The following SHKBP1 variants were observed in gnomAD, a reference collection of about 807,000 sequenced individuals.
The protein encoded by SHKBP1 is SH3KBP1 binding protein 1.
A neutral mutation model predicts 83.9 loss-of-function variants in SHKBP1; 71 were observed. The observed-to-expected ratio is 0.85, with a 90% CI of 0.70 to 1.03. The LOEUF is 1.03. Ranked by LOEUF, SHKBP1 falls within the 50% of genes least tolerant of loss-of-function variation. The pLI, the probability that SHKBP1 is intolerant of heterozygous loss-of-function variation, is 0.00. For missense variants in SHKBP1, 824 were observed against 982.4 expected (o/e 0.84, Z 2.16); for synonymous variants, 371 against 398.0 (o/e 0.93, Z 0.81).
Position 40,590,111 on chromosome 19 carries a change from C to T in SHKBP1, c.1590-133C>T, listed in dbSNP as rs2081345204. On this transcript the variant is annotated intron_variant, in intron 15 of 17. Coordinates refer to ENST00000291842, the MANE Select transcript of SHKBP1 (RefSeq NM_138392.4). This position sits in a 1 kb window ranked among gnomAD's most constrained non-coding sequence, Gnocchi z 4.6. ...CTGCTGGACCCTTGGGACTGGAACT[C>T]AAAAGCAGGCTAGGGATGGATAAAG... 9.3e-7 allele frequency: 1 copy of T among 1,076,684 alleles called. No homozygotes were observed. Among genetic ancestry groups the T allele is most frequent in the Non-Finnish European group, 1.3e-6 (1 of 774,368 alleles). 66.7% of individuals were successfully genotyped at this position (1,076,684 alleles called of 1,614,324 possible). A position where few individuals can be genotyped will look rare whatever the true frequency, so the allele number is the denominator to read the frequency against.
At chr19:40,588,840 TC>T (rs2081332957) in intron 14 of SHKBP1, 61 bp downstream of exon 14, 1 of 1,581,804 alleles carries the variant, frequency 6.3e-7, no homozygotes, top group African/African-American at 1.3e-5. Flanking sequence ...CCTGTTGACC[TC>T]CGCTGATTCC....
At position 40,589,198 on chromosome 19, in the gene SHKBP1, A is replaced by G. The variant is rs1431235165; in HGVS notation, c.1589+20A>G. On this transcript the variant is annotated intron_variant, in intron 15 of 17. Coordinates refer to ENST00000291842, the MANE Select transcript of SHKBP1 (RefSeq NM_138392.4). ...GCAGCGGTGAGGACAGTCCTGTCCA[A>G]CAGGGAGGGAGGACAGTCCTGTCCA... 2 of 565,312 alleles carry G rather than the reference A, an allele frequency of 3.5e-6. No individual in the cohort carries two copies. The highest frequency in any genetic ancestry group is 4.6e-6 in the Non-Finnish European group (2 of 437,958). The allele number at this position is 565,312 out of a possible 1,614,324, so 35.0% of individuals were successfully genotyped here. A position where few individuals can be genotyped will look rare whatever the true frequency, so the allele number is the denominator to read the frequency against.
Position 40,591,364 on chromosome 19 carries a change from A to G in SHKBP1, c.*157A>G. Reference sequence around the variant, plus strand: ...CACCTTCCCTCTTTTCTGGAAGCCAAAGTCACCCTCCCCAATAAAGTCCTC... The same window carrying G: ...CACCTTCCCTCTTTTCTGGAAGCCAGAGTCACCCTCCCCAATAAAGTCCTC... On this transcript the variant is annotated 3_prime_UTR_variant, in exon 18 of 18. Transcript: ENST00000291842. 1.6e-6 allele frequency: 1 copy of G among 616,750 alleles called. No homozygotes were observed. The highest frequency in any genetic ancestry group is 2.6e-6 in the Non-Finnish European group (1 of 379,234). The allele number at this position is 616,750 out of a possible 1,614,324, so 38.2% of individuals were successfully genotyped here. A position where few individuals can be genotyped will look rare whatever the true frequency, so the allele number is the denominator to read the frequency against.
chr19:40,589,061 C>T (rs1351959413), intron 14 of SHKBP1, 21 bp from the exon 15 acceptor site: 2 of 1,607,746 alleles, frequency 1.2e-6, no homozygotes, highest in East Asian at 2.2e-5. Flanking sequence ...TGGCCCTGAC[C>T]CCTGCCCCTG....
chr19:40,578,594 T>A (rs1220262562), intron 6 of SHKBP1, 52 bp downstream of exon 6: 1 of 1,536,474 alleles, frequency 6.5e-7, no homozygotes, highest in African/African-American at 1.4e-5. Flanking sequence ...AAAGACTACA[T>A]TTCCCATAAG....
chr19:40,583,284 A>T, intron 10 of SHKBP1, 114 bp from the exon 11 acceptor site: 1 of 776,732 alleles, frequency 1.3e-6, no homozygotes, highest in Middle Eastern at 3.7e-4. Context: ...GGGGCTGGGG[A>T]GCAGTGGGTG....
At position 40,590,672 on chromosome 19, in the gene SHKBP1, C is replaced by A; in HGVS notation, c.1769-58C>A. The A allele has an allele frequency of 6.6e-7, 1 of 1,525,540 alleles. No individual in the cohort carries two copies. Among genetic ancestry groups the A allele is most frequent in the Non-Finnish European group, 8.8e-7 (1 of 1,135,218 alleles). The allele number at this position is 1,525,540 out of a possible 1,614,324, so 94.5% of individuals were successfully genotyped here. A position where few individuals can be genotyped will look rare whatever the true frequency, so the allele number is the denominator to read the frequency against. On this transcript the variant is annotated intron_variant, in intron 16 of 17. Transcript: ENST00000291842. This position sits in a 1 kb window ranked among gnomAD's most constrained non-coding sequence, Gnocchi z 4.6. ...TCGGTGCTTGCACTGCAATGCAACC[C>A]AGGCCCTTGCCCTATGACCCCTGTC...
chr19:40,578,575 A>T, intron 6 of SHKBP1, 33 bp downstream of exon 6: 1 of 1,596,070 alleles, frequency 6.3e-7, no homozygotes, highest in African/African-American at 1.3e-5. Flanking sequence ...AGGGGCGCGG[A>T]GGTGGGCCAA....
intron 6 of SHKBP1, among the ~76,000 whole-genome samples, chr19:40,578,810 G>T (rs563452524): frequency 1.1e-3 from 168 of 152,232 alleles, no homozygotes; most frequent in Non-Finnish European, 9.7e-4. Flanking sequence ...TTGTAGGGGG[G>T]GCTTTGGAAG....
At chr19:40,578,042 C>G (rs2081235203) in intron 4 of SHKBP1, 112 bp from the exon 5 acceptor site, 4 of 873,834 alleles carry the variant, frequency 4.6e-6, no homozygotes, top group Non-Finnish European at 7.7e-6. Flanking sequence ...TTTATTCCAT[C>G]AAAACTTTCT....
In SHKBP1 at chr19:40,588,685, C is replaced by T; in HGVS notation, c.1398C>T (p.Ser466=). The T allele has an allele frequency of 6.2e-7, 1 of 1,614,190 alleles. No individual in the cohort carries two copies. The highest frequency in any genetic ancestry group is 1.6e-4 in the Middle Eastern group (1 of 6,062). ...WSVTRFRGMI[S]TQPGSTPLAS... ...TGACTCGCTTCCGCGGCATGATTTCCACCCAGCCCGGCTCCACCCCACTCG... is the reference window on the plus strand; with the variant it reads ...TGACTCGCTTCCGCGGCATGATTTCTACCCAGCCCGGCTCCACCCCACTCG... The change falls in exon 14 of 18, where the codon TCC becomes TCT. Residue 466 remains serine (S), a synonymous_variant. Coordinates refer to ENST00000291842, the MANE Select transcript of SHKBP1 (RefSeq NM_138392.4).
In SHKBP1 at chr19:40,577,948, T is replaced by TACACACACAC. The variant is rs58880858; in HGVS notation, c.261-171_261-162dup. The TACACACACAC allele has an allele frequency of 8.4e-4, 475 of 567,588 alleles. 2 individuals are homozygous for TACACACACAC. Among genetic ancestry groups the TACACACACAC allele is most frequent in the Non-Finnish European group, 1.1e-3 (358 of 319,044 alleles). 35.2% of individuals were successfully genotyped at this position (567,588 alleles called of 1,614,324 possible). A position where few individuals can be genotyped will look rare whatever the true frequency, so the allele number is the denominator to read the frequency against. On this transcript the variant is annotated intron_variant, in intron 4 of 17. Coordinates refer to ENST00000291842, the MANE Select transcript of SHKBP1 (RefSeq NM_138392.4). The stretch of plus-strand genomic sequence containing the variant: ...AATTTTATGTCCTTCGATTTCTCCC[T>TACACACACAC]ACACACACACACACACACACACACA...
intron 11 of SHKBP1, 40 bp downstream of exon 11, chr19:40,583,525 C>A: frequency 6.2e-7 from 1 of 1,612,080 alleles, no homozygotes; most frequent in Non-Finnish European, 8.5e-7. Context: ...GAGACCCTCC[C>A]CTGGGAGAGG....
At chr19:40,586,374 T>TC (rs1269336342) in intron 12 of SHKBP1, among the ~76,000 whole-genome samples, 3 of 150,418 alleles carry the variant, frequency 2.0e-5, no homozygotes, top group African/African-American at 4.9e-5. Context: ...TTTCTTTCTT[T>TC]TTTTTTTTTT....
chr19:40,585,550 T>TTTTC (rs398034634), intron 12 of SHKBP1: 2 of 144,710 alleles, frequency 1.4e-5, no homozygotes, highest in South Asian at 2.2e-4. Context: ...TTTTTTTTTT[T>TTTTC]GTCTTTTCCT....
At chr19:40,578,113 C>T (rs752641521) in intron 4 of SHKBP1, 41 bp from the exon 5 acceptor site, 1 of 1,552,750 alleles carries the variant, frequency 6.4e-7, no homozygotes, top group South Asian at 1.1e-5. Flanking sequence ...CTGTTCACCC[C>T]CACACCTAGA....
At chr19:40,577,032 G>A (rs1568386623) in intron 1 of SHKBP1, 47 bp downstream of exon 1, 2 of 1,374,928 alleles carry the variant, frequency 1.5e-6, no homozygotes, top group African/African-American at 1.5e-5. Flanking sequence ...GGCGGGAAGC[G>A]GGGTGGGAGT....
Position 40,590,916 on chromosome 19 carries a change from G to C in SHKBP1, c.1893-60G>C. The C allele has an allele frequency of 6.4e-7, 1 of 1,570,540 alleles. No homozygotes were observed. Among genetic ancestry groups the C allele is most frequent in the Non-Finnish European group, 8.7e-7 (1 of 1,150,096 alleles). On this transcript the variant is annotated intron_variant, in intron 17 of 17. Transcript: ENST00000291842. This position sits in a 1 kb window ranked among gnomAD's most constrained non-coding sequence, Gnocchi z 4.6. ...GGAGAGGGGACAGCATGGTGTTCCC[G>C]GGGACAGAGTGGCCCAGCTGCCCCG...
At position 40,583,413 on chromosome 19, in the gene SHKBP1, C is replaced by A; in HGVS notation, c.976C>A (p.Pro326Thr). The A allele has an allele frequency of 6.3e-7, 1 of 1,589,608 alleles. No homozygotes were observed. The highest frequency in any genetic ancestry group is 1.1e-5 in the South Asian group (1 of 88,132). The change falls in exon 11 of 18, where the codon CCC (proline) becomes ACC (threonine). Residue 326 changes from proline to threonine, a missense_variant. Coordinates refer to ENST00000291842, the MANE Select transcript of SHKBP1 (RefSeq NM_138392.4). ...CCACCCCCAGGTCCAGGAGGTGCAG[C>A]CCATCACCAGTTATGACGCGGCAGG... Reference protein sequence around the residue: ...TKHWQVQEVQPITSYDAAGSF... With the variant: ...TKHWQVQEVQTITSYDAAGSF...
Sources: allele counts gnomAD v4.1 joint callset (sites outside exome capture counted in the v4.1 genomes callset), GRCh38; gene constraint gnomAD v4.1.1; non-coding constraint Gnocchi (gnomAD v3.1); transcripts MANE v1.5; gene names NCBI Gene and HGNC (gene_info 2026-07-23, HGNC 2026-07-21).